Variants in MEIKIN observed in about 807,000 individuals in gnomAD.
MEIKIN encodes the protein meiosis-specific kinetochore protein.
At chr5:131,878,945 T>G in intron 9 of MEIKIN, 33 bp downstream of exon 9, 1 of 398,466 alleles carries the variant, frequency 2.5e-6, no homozygotes, top group Non-Finnish European at 4.4e-6. Context: ...AAATGTATTA[T>G]GATTTATGTA....
chr5:131,912,731 C>T (rs1034569589), intron 7 of MEIKIN, among the ~76,000 whole-genome samples: 2 of 152,174 alleles, frequency 1.3e-5, no homozygotes, highest in East Asian at 3.8e-4. Flanking sequence ...TTTACTAACA[C>T]CTTTCTGGCA....
chr5:131,859,863 A>G (rs1750252831), intron 9 of MEIKIN, among the ~76,000 whole-genome samples: 1 of 152,108 alleles, frequency 6.6e-6, no homozygotes, highest in Non-Finnish European at 1.5e-5. Context: ...AGTTGGCTGT[A>G]AATACGTGGA....
chr5:131,843,367 A>G (rs986733795), intron 11 of MEIKIN, among the ~76,000 whole-genome samples: 3 of 152,152 alleles, frequency 2.0e-5, no homozygotes, highest in South Asian at 4.1e-4. Flanking sequence ...TTTCTTTTCT[A>G]CCACCTGGTC....
chr5:131,819,001 T>C (rs908728323), intron 11 of MEIKIN, 138 bp from the exon 12 acceptor site: 9 of 378,516 alleles, frequency 2.4e-5, no homozygotes, highest in Non-Finnish European at 3.3e-5. Flanking sequence ...AAATGCTTAC[T>C]CCACTCCTAA....
chr5:131,943,772 T>G (rs1751914716), intron 3 of MEIKIN, among the ~76,000 whole-genome samples: 1 of 152,130 alleles, frequency 6.6e-6, no homozygotes, highest in Non-Finnish European at 1.5e-5. Flanking sequence ...ATGTCTTGTG[T>G]TGAAACTGCC....
chr5:131,921,356 T>A (rs1188869548), intron 6 of MEIKIN, among the ~76,000 whole-genome samples: 3 of 144,558 alleles, frequency 2.1e-5, no homozygotes, highest in Non-Finnish European at 4.5e-5. Flanking sequence ...TAGAAAAAAT[T>A]GTTTAAATTA....
rs563925817 is a variant in MEIKIN, at chr5:131,897,702, A to G, written c.703+14113T>C. 2.0e-5 allele frequency among the ~76,000 whole-genome samples: 3 copies of G among 152,282 alleles called. No individual in the cohort carries two copies. The East Asian group carries it at 5.8e-4, about 29-fold the overall frequency. On this transcript the variant is annotated intron_variant, in intron 8 of 12. Coordinates refer to ENST00000442687, the MANE Select transcript of MEIKIN (RefSeq NM_001303622.2). ...ATCGGCTATTGAAGCTCGTGCATGC[A>G]TCATGAAGTTTTCATGCCATGGTTT...
intron 4 of MEIKIN, among the ~76,000 whole-genome samples, chr5:131,934,031 C>T (rs573769991): frequency 1.1e-3 from 163 of 152,144 alleles, no homozygotes; most frequent in African/African-American, 3.4e-3. Flanking sequence ...CTACAACCTC[C>T]GCCTCCCGGG....
At chr5:131,895,163 T>C (rs1751014393) in intron 8 of MEIKIN, among the ~76,000 whole-genome samples, 1 of 152,214 alleles carries the variant, frequency 6.6e-6, no homozygotes, top group African/African-American at 2.4e-5. Flanking sequence ...TTTTTGTCTT[T>C]GGTTCTGTTT....
chr5:131,861,310 AC>A (rs1750281569), intron 9 of MEIKIN, among the ~76,000 whole-genome samples: 1 of 151,796 alleles, frequency 6.6e-6, no homozygotes, highest in Admixed American at 6.6e-5. Context: ...AACTGCTTAA[AC>A]CCGGGAGGTG....
chr5:131,863,859 C>T (rs1750333032), intron 9 of MEIKIN, among the ~76,000 whole-genome samples: 1 of 152,120 alleles, frequency 6.6e-6, no homozygotes, highest in Admixed American at 6.5e-5. Context: ...TTTGCCTGCA[C>T]AAGCTCTCTC....
At chr5:131,926,829 C>A (rs1056320931) in intron 5 of MEIKIN, among the ~76,000 whole-genome samples, 1 of 152,140 alleles carries the variant, frequency 6.6e-6, no homozygotes, top group Non-Finnish European at 1.5e-5. Flanking sequence ...ATGGTAGTCT[C>A]ATGATTATTT....
At chr5:131,937,262 C>T (rs1196268917) in intron 4 of MEIKIN, among the ~76,000 whole-genome samples, 2 of 152,150 alleles carry the variant, frequency 1.3e-5, no homozygotes, top group Non-Finnish European at 2.9e-5. Flanking sequence ...AACTGAGTGA[C>T]AGTTTGGCTG....
Position 131,921,833 on chromosome 5 carries a change from G to C in MEIKIN, c.587C>G (p.Ser196Ter). Residue 196 changes from serine to a stop codon, truncating the protein, a stop_gained, in exon 6 of 13, where the codon TCA becomes TGA. Coordinates refer to ENST00000442687, the MANE Select transcript of MEIKIN (RefSeq NM_001303622.2). LOFTEE classifies it high-confidence loss of function. ...TGTGTGCAACTCACTGAAAATTGCT[G>C]AGACATTTGAAAACTGTGGTGCCTT... ...IEKAPQFSNV[S>*]AIFSTSSEDY... The C allele has an allele frequency of 2.5e-6, 1 of 398,950 alleles. No homozygotes were observed. Among genetic ancestry groups the C allele is most frequent in the Middle Eastern group, 6.3e-4 (1 of 1,588 alleles). 24.7% of individuals were successfully genotyped at this position (398,950 alleles called of 1,614,324 possible).
intron 8 of MEIKIN, among the ~76,000 whole-genome samples, chr5:131,888,574 A>C (rs1481635574): frequency 6.6e-6 from 1 of 151,550 alleles, no homozygotes; most frequent in Non-Finnish European, 1.5e-5. Context: ...TTTTTCTTGT[A>C]AATTTGTTTG....
intron 11 of MEIKIN, among the ~76,000 whole-genome samples, chr5:131,824,496 A>G (rs13154286): frequency 0.78 from 118,734 of 151,592 alleles, 46,739 homozygotes; most frequent in African/African-American, 0.83. Context: ...CTCCAGCCTA[A>G]GTAACAGAGA....
intron 9 of MEIKIN, among the ~76,000 whole-genome samples, chr5:131,858,868 C>T (rs942049255): frequency 2.0e-5 from 3 of 152,158 alleles, no homozygotes; most frequent in Non-Finnish European, 4.4e-5. Context: ...ATCAAAACCA[C>T]AATGAAATAC....
At chr5:131,862,028 T>G (rs1054111204) in intron 9 of MEIKIN, among the ~76,000 whole-genome samples, 9 of 152,208 alleles carry the variant, frequency 5.9e-5, no homozygotes, top group Admixed American at 4.6e-4. Flanking sequence ...AAGACTGGTA[T>G]TAGTTTTTCT....
At chr5:131,888,427 T>C (rs1444636673) in intron 8 of MEIKIN, among the ~76,000 whole-genome samples, 1 of 152,124 alleles carries the variant, frequency 6.6e-6, no homozygotes, top group Non-Finnish European at 1.5e-5. Flanking sequence ...TGGTATCTCA[T>C]TGTGGTTTCG....
Sources: allele counts gnomAD v4.1 joint callset (sites outside exome capture counted in the v4.1 genomes callset), GRCh38; gene constraint gnomAD v4.1.1; transcripts MANE v1.5; gene names NCBI Gene and HGNC (gene_info 2026-07-23, HGNC 2026-07-21).